Variants in PIGM observed in about 807,000 individuals in gnomAD.
PIGM encodes GPI alpha-1,4-mannosyltransferase I, catalytic subunit.
In PIGM, 7 loss-of-function variants were observed where a neutral mutation model predicts 14.6. The observed-to-expected ratio is 0.48, with a 90% CI of 0.27 to 0.90. The LOEUF (loss-of-function observed/expected upper bound fraction) is 0.90, where lower values mean the gene tolerates loss of function less well. PIGM is among the 40% of genes least tolerant of loss of function. The pLI is 0.12. For missense variants in PIGM, 506 were observed against 516.2 expected, an observed-to-expected ratio of 0.98 and a Z score of 0.19; for synonymous variants, 216 against 215.9, an observed-to-expected ratio of 1.00 and a Z score of 0.00.
Position 160,026,751 on chromosome 1 carries a change from C to G in PIGM, c.*3717G>C, listed in dbSNP as rs948160525. Reference sequence around the variant, plus strand: ...GCTGAGGAGGAAGGATCACTTGAGCCTGGGAGTTCGGCTGCAGTGAGCCAT... The same window carrying G: ...GCTGAGGAGGAAGGATCACTTGAGCGTGGGAGTTCGGCTGCAGTGAGCCAT... On this transcript the variant is annotated 3_prime_UTR_variant, in exon 1 of 1. Transcript: ENST00000368090. 1.3e-5 allele frequency: 2 copies of G among 152,128 alleles called. No individual in the cohort carries two copies. The highest frequency in any genetic ancestry group is 2.9e-5 in the Non-Finnish European group (2 of 68,028). 9.4% of individuals were successfully genotyped at this position (152,128 alleles called of 1,614,324 possible). A position where few individuals can be genotyped will look rare whatever the true frequency, so the allele number is the denominator to read the frequency against.
Position 160,025,936 on chromosome 1 carries a change from T to C in PIGM, c.*4532A>G, listed in dbSNP as rs142010645. On this transcript the variant is annotated 3_prime_UTR_variant, in exon 1 of 1. Coordinates refer to ENST00000368090, the MANE Select transcript of PIGM (RefSeq NM_145167.3). ...ATATGGCGGAATAGGTGCCCAAAAT[T>C]GGTTAATCATGAAAAATTTACCATC... The C allele has an allele frequency of 1.1e-4, 16 of 152,292 alleles. No individual in the cohort carries two copies. The highest frequency in any genetic ancestry group is 3.9e-4 in the African/African-American group (16 of 41,558). 9.4% of individuals were successfully genotyped at this position (152,292 alleles called of 1,614,324 possible).
In PIGM at chr1:160,031,404, G is replaced by A; in HGVS notation, c.336C>T (p.Arg112=). The A allele has an allele frequency of 6.2e-7, 1 of 1,608,348 alleles. No homozygotes were observed. Among genetic ancestry groups the A allele is most frequent in the Non-Finnish European group, 8.5e-7 (1 of 1,175,438 alleles). Residue 112 remains arginine (R), a synonymous_variant, in exon 1 of 1, where the codon CGC becomes CGT. Transcript: ENST00000368090. ...GCCCCAGCCCCTTCAGCAGCAGCAG[G>A]CGGTATAAGAGGAAAGCGGTGAGGA... ...CDLLTAFLLY[R]LLLLKGLGRR... is the part of the protein sequence containing the mutation.
At position 160,030,347 on chromosome 1, in the gene PIGM, T is replaced by C; in HGVS notation, c.*121A>G. The C allele has an allele frequency of 3.7e-6, 4 of 1,069,874 alleles. No individual in the cohort carries two copies. In the Admixed American group the frequency reaches 7.1e-5, roughly 19 times the overall value. The allele number at this position is 1,069,874 out of a possible 1,614,324, so 66.3% of individuals were successfully genotyped here. A position where few individuals can be genotyped will look rare whatever the true frequency, so the allele number is the denominator to read the frequency against. ...GGCAAACATTGCTTTTAAGTTCTGTTGGAACATGGGAACTTTCACTAGAAT... is the reference window on the plus strand; with the variant it reads ...GGCAAACATTGCTTTTAAGTTCTGTCGGAACATGGGAACTTTCACTAGAAT... On this transcript the variant is annotated 3_prime_UTR_variant, in exon 1 of 1. Coordinates refer to ENST00000368090, the MANE Select transcript of PIGM (RefSeq NM_145167.3).
chr1:160,030,645 A>T lies in PIGM; in HGVS notation c.1095T>A (p.Phe365Leu), dbSNP rs12409352. 268,521 of 1,614,028 alleles carry T rather than the reference A, an allele frequency of 0.17. 24,426 individuals carry two copies. The highest frequency in any genetic ancestry group is 0.19 in the Non-Finnish European group (221,055 of 1,179,870). ...KRAVVLLMLW[F>L]IGQAMWLAPA... ...GAGCCAGCCACATGGCCTGCCCTAT[A>T]AACCATAACATTAGGAGAACTACAG... Residue 365 changes from phenylalanine (F) to leucine (L), a missense_variant, in exon 1 of 1, where the codon TTT becomes TTA. Transcript: ENST00000368090.
In PIGM at chr1:160,030,366, C is replaced by T. The variant is rs937158057; in HGVS notation, c.*102G>A. ...TTCTGTTGGAACATGGGAACTTTCA[C>T]TAGAATGCTTAGAATGTTCAGAAAA... On this transcript the variant is annotated 3_prime_UTR_variant, in exon 1 of 1. Transcript: ENST00000368090. The T allele has an allele frequency of 4.3e-5, 54 of 1,252,632 alleles. No homozygotes were observed. Among genetic ancestry groups the T allele is most frequent in the Admixed American group, 2.9e-4 (17 of 58,296 alleles). 77.6% of individuals were successfully genotyped at this position (1,252,632 alleles called of 1,614,324 possible).
In PIGM at chr1:160,031,920, C is replaced by T. The variant is rs1648352534; in HGVS notation, c.-181G>A. 1.2e-6 allele frequency: 1 copy of T among 818,388 alleles called. No homozygotes were observed. The highest frequency in any genetic ancestry group is 2.1e-6 in the Non-Finnish European group (1 of 487,270). 50.7% of individuals were successfully genotyped at this position (818,388 alleles called of 1,614,324 possible). A position where few individuals can be genotyped will look rare whatever the true frequency, so the allele number is the denominator to read the frequency against. On this transcript the variant is annotated 5_prime_UTR_variant, in exon 1 of 1. Coordinates refer to ENST00000368090, the MANE Select transcript of PIGM (RefSeq NM_145167.3). The stretch of plus-strand genomic sequence containing the variant: ...CCGCCCCCGTACTGCTACCTGTCTC[C>T]AGCCCCGCGCGGTCTTCTCAGCCGC...
chr1:160,031,293 A>G lies in PIGM; in HGVS notation c.447T>C (p.Ile149=). The part of the protein sequence containing the change: ...AVSSRGNADS[I]VASLVLMVLY... The stretch of plus-strand genomic sequence containing the variant: ...GGACCATCAGGACCAGGGAGGCGAC[A>G]ATAGAGTCCGCATTACCGCGGCTGG... The change falls in exon 1 of 1, where the codon ATT becomes ATC. Residue 149 remains isoleucine (I), a synonymous_variant. Coordinates refer to ENST00000368090, the MANE Select transcript of PIGM (RefSeq NM_145167.3). 1 of 1,614,126 alleles carries G rather than the reference A, an allele frequency of 6.2e-7. No individual in the cohort carries two copies. The highest frequency in any genetic ancestry group is 1.1e-5 in the South Asian group (1 of 91,066).
rs1337095201 is a variant in PIGM, at chr1:160,031,425, G to A, written c.315C>T (p.Leu105=). The A allele has an allele frequency of 6.2e-7, 1 of 1,610,956 alleles. No individual in the cohort carries two copies. The highest frequency in any genetic ancestry group is 2.2e-5 in the East Asian group (1 of 44,764). The change falls in exon 1 of 1, where the codon CTC becomes CTT. Residue 105 remains leucine (L), a synonymous_variant. Transcript: ENST00000368090. ...GCAGGCGGTATAAGAGGAAAGCGGT[G>A]AGGAGGTCGCAGCTGATGAAGAGAA... ...GKFLFISCDL[L]TAFLLYRLLL...
Position 160,031,931 on chromosome 1 carries a change from G to A in PIGM, c.-192C>T. The A allele has an allele frequency of 1.3e-6, 1 of 765,292 alleles. No homozygotes were observed. Among genetic ancestry groups the A allele is most frequent in the Non-Finnish European group, 2.3e-6 (1 of 442,694 alleles). The allele number at this position is 765,292 out of a possible 1,614,324, so 47.4% of individuals were successfully genotyped here. A position where few individuals can be genotyped will look rare whatever the true frequency, so the allele number is the denominator to read the frequency against. On this transcript the variant is annotated 5_prime_UTR_variant, in exon 1 of 1. Transcript: ENST00000368090. ...CTGCTACCTGTCTCCAGCCCCGCGCGGTCTTCTCAGCCGCCCGAGCCAAAA... is the reference window on the plus strand; with the variant it reads ...CTGCTACCTGTCTCCAGCCCCGCGCAGTCTTCTCAGCCGCCCGAGCCAAAA...
Position 160,025,836 on chromosome 1 carries a change from C to CCT in PIGM, c.*4630_*4631dup, listed in dbSNP as rs1168980660. The stretch of plus-strand genomic sequence containing the variant: ...ATTAGCAAGTTGTTTAATCTTTGAG[C>CCT]CTCTTCGTTCATCTATAAATTTAGA... On this transcript the variant is annotated 3_prime_UTR_variant, in exon 1 of 1. Coordinates refer to ENST00000368090, the MANE Select transcript of PIGM (RefSeq NM_145167.3). 2 of 152,114 alleles carry CCT rather than the reference C, an allele frequency of 1.3e-5. No homozygotes were observed. Among genetic ancestry groups the CCT allele is most frequent in the Non-Finnish European group, 2.9e-5 (2 of 68,030 alleles). The allele number at this position is 152,114 out of a possible 1,614,324, so 9.4% of individuals were successfully genotyped here. A position where few individuals can be genotyped will look rare whatever the true frequency, so the allele number is the denominator to read the frequency against.
In PIGM at chr1:160,031,828, G is replaced by A. The variant is rs1296971230; in HGVS notation, c.-89C>T. On this transcript the variant is annotated 5_prime_UTR_variant, in exon 1 of 1. Transcript: ENST00000368090. ...CTTCGGTTCTTTGCAGCAGGTGGCC[G>A]CCGCATCTCCCACCCGCCAGGCTGC... 3.3e-6 allele frequency: 5 copies of A among 1,494,322 alleles called. No homozygotes were observed. Among genetic ancestry groups the A allele is most frequent in the Non-Finnish European group, 3.7e-6 (4 of 1,081,068 alleles). 92.6% of individuals were successfully genotyped at this position (1,494,322 alleles called of 1,614,324 possible). A position where few individuals can be genotyped will look rare whatever the true frequency, so the allele number is the denominator to read the frequency against.
chr1:160,030,644 T>A lies in PIGM; in HGVS notation c.1096A>T (p.Ile366Leu), dbSNP rs373272548. Residue 366 changes from isoleucine to leucine, a missense_variant, in exon 1 of 1, where the codon ATA becomes TTA. By Grantham distance (5) the Ile-to-Leu change is conservative. Coordinates refer to ENST00000368090, the MANE Select transcript of PIGM (RefSeq NM_145167.3). ...RAVVLLMLWF[I>L]GQAMWLAPAY... is the part of the protein sequence containing the mutation. ...GGAGCCAGCCACATGGCCTGCCCTATAAACCATAACATTAGGAGAACTACA... is the reference window on the plus strand; with the variant it reads ...GGAGCCAGCCACATGGCCTGCCCTAAAAACCATAACATTAGGAGAACTACA... The A allele has an allele frequency of 5.0e-6, 8 of 1,614,072 alleles. No homozygotes were observed. In the South Asian group the frequency reaches 5.5e-5, roughly 11 times the overall value.
Position 160,025,500 on chromosome 1 carries a change from A to G in PIGM, c.*4968T>C, listed in dbSNP as rs925783027. The G allele has an allele frequency of 6.6e-6, 1 of 152,250 alleles. No individual in the cohort carries two copies. The highest frequency in any genetic ancestry group is 2.4e-5 in the African/African-American group (1 of 41,468). The allele number at this position is 152,250 out of a possible 1,614,324, so 9.4% of individuals were successfully genotyped here. On this transcript the variant is annotated 3_prime_UTR_variant, in exon 1 of 1. Coordinates refer to ENST00000368090, the MANE Select transcript of PIGM (RefSeq NM_145167.3). ...GCAAATCAACTTCTTAAAATAGGCTATGAAGGAAAAGTGCATGATGAAGCC... is the reference window on the plus strand; with the variant it reads ...GCAAATCAACTTCTTAAAATAGGCTGTGAAGGAAAAGTGCATGATGAAGCC...
chr1:160,027,575 C>G lies in PIGM; in HGVS notation c.*2893G>C, dbSNP rs1023862454. 2 of 152,102 alleles carry G rather than the reference C, an allele frequency of 1.3e-5. No homozygotes were observed. Among genetic ancestry groups the G allele is most frequent in the Non-Finnish European group, 2.9e-5 (2 of 68,006 alleles). 9.4% of individuals were successfully genotyped at this position (152,102 alleles called of 1,614,324 possible). On this transcript the variant is annotated 3_prime_UTR_variant, in exon 1 of 1. Coordinates refer to ENST00000368090, the MANE Select transcript of PIGM (RefSeq NM_145167.3). ...ACACACACAATCTTGAGAATCATCCCTCTTTATCTAATAATTAATGCTTAC... is the reference window on the plus strand; with the variant it reads ...ACACACACAATCTTGAGAATCATCCGTCTTTATCTAATAATTAATGCTTAC...
rs1648171933 is a variant in PIGM at position 160,025,889 on chromosome 1, T to C, written c.*4579A>G. ...ATGAATATCAACTTTGAAGTGTTGCTGTGAAAATTAAATAAAACCATATAT... is the reference window on the plus strand; with the variant it reads ...ATGAATATCAACTTTGAAGTGTTGCCGTGAAAATTAAATAAAACCATATAT... On this transcript the variant is annotated 3_prime_UTR_variant, in exon 1 of 1. Transcript: ENST00000368090. 1 of 152,242 alleles carries C rather than the reference T, an allele frequency of 6.6e-6. No individual in the cohort carries two copies. The highest frequency in any genetic ancestry group is 1.5e-5 in the Non-Finnish European group (1 of 68,036). 9.4% of individuals were successfully genotyped at this position (152,242 alleles called of 1,614,324 possible).
rs891109441 is a variant in PIGM at position 160,025,724 on chromosome 1, T to C, written c.*4744A>G. On this transcript the variant is annotated 3_prime_UTR_variant, in exon 1 of 1. Coordinates refer to ENST00000368090, the MANE Select transcript of PIGM (RefSeq NM_145167.3). The stretch of plus-strand genomic sequence containing the variant: ...GAGCCAGTATTGAGTTCCATTTATT[T>C]TGGAGCAGTATGCATCTGCTGGGTT... The C allele has an allele frequency of 6.6e-6, 1 of 152,202 alleles. No homozygotes were observed. Among genetic ancestry groups the C allele is most frequent in the Non-Finnish European group, 1.5e-5 (1 of 68,036 alleles). The allele number at this position is 152,202 out of a possible 1,614,324, so 9.4% of individuals were successfully genotyped here. A position where few individuals can be genotyped will look rare whatever the true frequency, so the allele number is the denominator to read the frequency against.
In PIGM at chr1:160,029,490, G is replaced by A. The variant is rs1648263478; in HGVS notation, c.*978C>T. The A allele has an allele frequency of 6.7e-6, 1 of 148,216 alleles. No homozygotes were observed. The highest frequency in any genetic ancestry group is 2.0e-4 in the East Asian group (1 of 5,028). The allele number at this position is 148,216 out of a possible 1,614,324, so 9.2% of individuals were successfully genotyped here. On this transcript the variant is annotated 3_prime_UTR_variant, in exon 1 of 1. Transcript: ENST00000368090. The stretch of plus-strand genomic sequence containing the variant: ...CGGCTCACTACAGGCTCCACCTCCG[G>A]AGTTCACGCCATTCTCCTGCCTCAG...
rs1178640451 is a variant in PIGM, at chr1:160,029,847, TC to T, written c.*620del. The T allele has an allele frequency of 8.7e-6, 1 of 114,880 alleles. No individual in the cohort carries two copies. Among genetic ancestry groups the T allele is most frequent in the East Asian group, 3.0e-4 (1 of 3,356 alleles). 7.1% of individuals were successfully genotyped at this position (114,880 alleles called of 1,614,324 possible). A position where few individuals can be genotyped will look rare whatever the true frequency, so the allele number is the denominator to read the frequency against. On this transcript the variant is annotated 3_prime_UTR_variant, in exon 1 of 1. Coordinates refer to ENST00000368090, the MANE Select transcript of PIGM (RefSeq NM_145167.3). The stretch of plus-strand genomic sequence containing the variant: ...CTCAAGCAATTCTCCCACCTCAGCC[TC>T]CCATGCAGCTATGACTACAGGGGTG...
In PIGM at chr1:160,028,252, G is replaced by C. The variant is rs1044185020; in HGVS notation, c.*2216C>G. ...CAACTATACTGGAATGATGAAATTCGATTTCTGTTTCCTGCCTCCTCCCTT... is the reference window on the plus strand; with the variant it reads ...CAACTATACTGGAATGATGAAATTCCATTTCTGTTTCCTGCCTCCTCCCTT... On this transcript the variant is annotated 3_prime_UTR_variant, in exon 1 of 1. Transcript: ENST00000368090. 1 of 151,672 alleles carries C rather than the reference G, an allele frequency of 6.6e-6. No individual in the cohort carries two copies. Among genetic ancestry groups the C allele is most frequent in the South Asian group, 2.1e-4 (1 of 4,804 alleles). 9.4% of individuals were successfully genotyped at this position (151,672 alleles called of 1,614,324 possible). A position where few individuals can be genotyped will look rare whatever the true frequency, so the allele number is the denominator to read the frequency against.
Sources: allele counts gnomAD v4.1 joint callset, GRCh38; gene constraint gnomAD v4.1.1; transcripts MANE v1.5; gene names NCBI Gene and HGNC (gene_info 2026-07-23, HGNC 2026-07-21).